Variants in ZNF91 observed in about 807,000 individuals in gnomAD.
ZNF91 encodes zinc finger protein 91 (HPF7, HTF10).
A neutral mutation model predicts 12.6 loss-of-function variants in ZNF91; 7 were observed. The ratio of observed to expected loss-of-function variants is 0.55; its 90% CI spans 0.31 to 1.04. The LOEUF (loss-of-function observed/expected upper bound fraction) is 1.04. Ranked by LOEUF, ZNF91 falls within the 50% of genes least tolerant of loss-of-function variation. ZNF91 has a pLI of 0.05. For missense variants in ZNF91, 1,217 were observed against 1,385.4 expected, an observed-to-expected ratio of 0.88 and a Z score of 1.93; for synonymous variants, 453 against 462.6, an observed-to-expected ratio of 0.98 and a Z score of 0.27.
chr19:23,331,875 T>G (rs1407373864), intron 1 of ZNF91, among the ~76,000 whole-genome samples: 1 of 152,214 alleles, frequency 6.6e-6, no homozygotes, highest in African/African-American at 2.4e-5. Flanking sequence ...AAATGGAGTT[T>G]TGTAAGGGCT....
At chr19:23,391,268 T>G (rs1322912632) in intron 1 of ZNF91, among the ~76,000 whole-genome samples, 1 of 152,218 alleles carries the variant, frequency 6.6e-6, no homozygotes, top group African/African-American at 2.4e-5. Context: ...TCTTCAGTGG[T>G]AAACATAAAA....
chr19:23,362,938 A>G (rs1281952317), intron 3 of ZNF91, among the ~76,000 whole-genome samples: 1 of 152,102 alleles, frequency 6.6e-6, no homozygotes, highest in African/African-American at 2.4e-5. Flanking sequence ...CAGTGGTGCA[A>G]TCTTGGCTCA....
intron 1 of ZNF91, among the ~76,000 whole-genome samples, chr19:23,378,724 C>A (rs928729842): frequency 6.6e-6 from 1 of 152,054 alleles, no homozygotes; most frequent in African/African-American, 2.4e-5. Context: ...CCAAATAAAG[C>A]CCATATTTTT....
chr19:23,390,813 G>A (rs553061103), intron 1 of ZNF91, among the ~76,000 whole-genome samples: 1 of 152,168 alleles, frequency 6.6e-6, no homozygotes, highest in East Asian at 1.9e-4. Context: ...CCTGAGCTCA[G>A]GCAATCCACC....
At chr19:23,387,281 T>G (rs1350029967) in intron 1 of ZNF91, among the ~76,000 whole-genome samples, 1 of 152,208 alleles carries the variant, frequency 6.6e-6, no homozygotes, top group Non-Finnish European at 1.5e-5. Context: ...CCAAGCAACC[T>G]CATCACTGGG....
chr19:23,365,794 A>G (rs1479439843), intron 3 of ZNF91, among the ~76,000 whole-genome samples: 2 of 152,108 alleles, frequency 1.3e-5, no homozygotes, highest in Non-Finnish European at 2.9e-5. Flanking sequence ...GCCTGCAAGC[A>G]TCTGTTTAAC....
intron 3 of ZNF91, among the ~76,000 whole-genome samples, chr19:23,365,329 G>A (rs1305101486): frequency 2.0e-5 from 3 of 150,972 alleles, no homozygotes; most frequent in African/African-American, 7.3e-5. Context: ...ATGGTGTCCA[G>A]GCACCGTGGG....
At chr19:23,320,038 T>C (rs1009055491) in intron 1 of ZNF91, among the ~76,000 whole-genome samples, 12 of 152,166 alleles carry the variant, frequency 7.9e-5, no homozygotes, top group Non-Finnish European at 1.5e-5. Context: ...AGAAATACTG[T>C]ATTTCTGGTA....
At chr19:23,380,317 C>T (rs1430423390) in intron 1 of ZNF91, 1 of 132,396 alleles carries the variant, frequency 7.6e-6, no homozygotes, top group African/African-American at 2.8e-5. Context: ...GAAGCTTGAG[C>T]TGCAGAAGGA....
At chr19:23,317,682 TG>T (rs1967596080) in intron 1 of ZNF91, among the ~76,000 whole-genome samples, 1 of 152,134 alleles carries the variant, frequency 6.6e-6, no homozygotes, top group Non-Finnish European at 1.5e-5. Flanking sequence ...CTTGAAAAAG[TG>T]ACTCTTATAT....
At chr19:23,366,724 T>TG (rs1374888164) in intron 3 of ZNF91, among the ~76,000 whole-genome samples, 1 of 152,220 alleles carries the variant, frequency 6.6e-6, no homozygotes, top group Non-Finnish European at 1.5e-5. Flanking sequence ...TTTGAATTAA[T>TG]AAAGTGCACA....
rs1453990774 is a variant in ZNF91, at chr19:23,358,747, A to AATCATTT, written c.*649_*655dup. On this transcript the variant is annotated 3_prime_UTR_variant, in exon 4 of 4. Coordinates refer to ENST00000300619, the MANE Select transcript of ZNF91 (RefSeq NM_003430.4). ...TATCTTACCTACGATCAAGTGTGAC[A>AATCATTT]ATCATTTAGAGGCTTTGTCACATTC... The AATCATTT allele has an allele frequency of 1.2e-5, 2 of 161,508 alleles. No individual in the cohort carries two copies. The highest frequency in any genetic ancestry group is 4.8e-5 in the African/African-American group (2 of 41,502). 10.0% of individuals were successfully genotyped at this position (161,508 alleles called of 1,614,324 possible).
chr19:23,351,344 AAG>A (rs1270942966), intron 3 of ZNF91, among the ~76,000 whole-genome samples: 3 of 151,866 alleles, frequency 2.0e-5, no homozygotes, highest in Admixed American at 6.6e-5. Context: ...AAAAAAAAAA[AAG>A]AAAGAAAAGA....
At chr19:23,334,957 A>AGAATTTTTTTAACTG (rs1491198687), downstream of ZNF91, among the ~76,000 whole-genome samples, 2 of 152,262 alleles carry the variant, frequency 1.3e-5, no homozygotes, top group Non-Finnish European at 2.9e-5. Context: ...ATACCAAAAA[A>AGAATTTTTTTAACTG]GAATTTTTTT....
chr19:23,342,592 TTAAGA>T (rs74175749), intron 3 of ZNF91, among the ~76,000 whole-genome samples: 9,026 of 152,258 alleles, frequency 0.059, 357 homozygotes, highest in Non-Finnish European at 0.096. Context: ...AAGGTTCCTA[TTAAGA>T]TAAAACATCT....
At chr19:23,394,927 AT>A (rs1448912671) in intron 1 of ZNF91, among the ~76,000 whole-genome samples, 2 of 152,098 alleles carry the variant, frequency 1.3e-5, no homozygotes, top group African/African-American at 4.8e-5. Context: ...ACGCCCATAA[AT>A]TTTTAATAGA....
chr19:23,323,792 CCTT>C (rs1480319410), intron 1 of ZNF91, among the ~76,000 whole-genome samples: 1 of 150,814 alleles, frequency 6.6e-6, no homozygotes, highest in Non-Finnish European at 1.5e-5. Flanking sequence ...TCTTCTTCCT[CCTT>C]CTCCTCTTTT....
chr19:23,340,497 G>T lies in ZNF91; in HGVS notation c.254-1443C>A, dbSNP rs977063359. ...AGAGTCGGGAAGAAATAGAGTACCT[G>T]AACAAACCAATACTGAGTAGCATGA... is the stretch of plus-strand genomic sequence containing the variant. On this transcript the variant is annotated intron_variant, in intron 3 of 3. Transcript: ENST00000599743. Among the ~76,000 whole-genome samples the T allele has an allele frequency of 8.6e-5, 13 of 152,020 alleles. No individual in the cohort carries two copies. The East Asian group carries it at 2.5e-3, about 29-fold the overall frequency.
At chr19:23,316,030 C>T (rs574330700) in intron 1 of ZNF91, among the ~76,000 whole-genome samples, 7 of 152,278 alleles carry the variant, frequency 4.6e-5, no homozygotes, top group African/African-American at 1.7e-4. Flanking sequence ...GACTCTTCTG[C>T]ATGAGCCCTG....
Sources: allele counts gnomAD v4.1 joint callset (sites outside exome capture counted in the v4.1 genomes callset), GRCh38; gene constraint gnomAD v4.1.1; transcripts MANE v1.5; gene names NCBI Gene and HGNC (gene_info 2026-07-23, HGNC 2026-07-21).